Variants in NID2 observed in about 807,000 individuals in gnomAD.
NID2 encodes nidogen-2.
Under a neutral mutation model 145.4 loss-of-function variants are expected in NID2, and 83 were observed. The observed-to-expected ratio is 0.57, with a 90% CI of 0.48 to 0.69. The LOEUF (loss-of-function observed/expected upper bound fraction) is 0.69. Ranked by LOEUF, NID2 falls within the 30% of genes least tolerant of loss-of-function variation. NID2 has a pLI of 0.00. For synonymous variants in NID2, 739 were observed against 701.3 expected (o/e 1.05, Z -0.85); for missense variants, 1,807 against 1,765.7 (o/e 1.02, Z -0.42).
At chr14:52,005,925 A>G in intron 20 of NID2, 76 bp from the exon 21 acceptor site, 1 of 1,134,576 alleles carries the variant, frequency 8.8e-7, no homozygotes, top group Admixed American at 1.8e-5. Context: ...ACAGAAAATC[A>G]GTTGCAATAG....
chr14:52,008,143 G>C (rs193166898), intron 18 of NID2, 176 bp from the exon 19 acceptor site: 128 of 523,152 alleles, frequency 2.4e-4, no homozygotes, highest in African/African-American at 2.3e-3. Context: ...TATAGCAGAA[G>C]TGATAGGCTA....
At chr14:52,041,851 T>A (rs747791651) in intron 7 of NID2, among the ~76,000 whole-genome samples, 1 of 152,244 alleles carries the variant, frequency 6.6e-6, no homozygotes, top group Admixed American at 6.5e-5. Context: ...AGGACACAAA[T>A]GTTCTGAATG....
chr14:52,017,058 A>G (rs929082250), intron 14 of NID2, among the ~76,000 whole-genome samples: 1 of 152,222 alleles, frequency 6.6e-6, no homozygotes, highest in Non-Finnish European at 1.5e-5. Flanking sequence ...CAAGGAACAC[A>G]GAGAGGGAAA....
At chr14:52,028,581 G>A in intron 11 of NID2, 141 bp downstream of exon 11, 1 of 961,586 alleles carries the variant, frequency 1.0e-6, no homozygotes, top group Non-Finnish European at 1.5e-6. Context: ...GCCAGCTTTG[G>A]GTTATTTTGA....
intron 9 of NID2, among the ~76,000 whole-genome samples, chr14:52,038,440 CCCT>C (rs943629124): frequency 2.6e-5 from 4 of 152,200 alleles, no homozygotes; most frequent in African/African-American, 9.7e-5. Flanking sequence ...GCATCACTCT[CCCT>C]CCTAATTCCA....
At chr14:52,037,224 A>G (rs2645746) in intron 9 of NID2, among the ~76,000 whole-genome samples, 82,153 of 151,968 alleles carry the variant, frequency 0.54, 22,591 homozygotes, top group Middle Eastern at 0.59. Flanking sequence ...AATAGTTTAA[A>G]AGACTATTCT....
At position 52,005,247 on chromosome 14, in the gene NID2, T is replaced by TTAAAATTCTGTTACCTTTTTAAACTTGCA; in HGVS notation, c.*210_*238dup. On this transcript the variant is annotated 3_prime_UTR_variant, in exon 22 of 22. Transcript: ENST00000216286. ...AAGAAGTTGCTTTAATAAGCAACAG[T>TTAAAATTCTGTTACCTTTTTAAACTTGCA]TAAAATTCTGTTACCTTTTTAAACT... is the stretch of plus-strand genomic sequence containing the variant. 1 of 380,762 alleles carries TTAAAATTCTGTTACCTTTTTAAACTTGCA rather than the reference T, an allele frequency of 2.6e-6. No homozygotes were observed. The highest frequency in any genetic ancestry group is 3.8e-5 in the East Asian group (1 of 26,144). 23.6% of individuals were successfully genotyped at this position (380,762 alleles called of 1,614,324 possible). A position where few individuals can be genotyped will look rare whatever the true frequency, so the allele number is the denominator to read the frequency against.
At chr14:52,030,573 G>T (rs1340549404) in intron 9 of NID2, among the ~76,000 whole-genome samples, 1 of 26,010 alleles carries the variant, frequency 3.8e-5, no homozygotes, top group African/African-American at 1.3e-4. Flanking sequence ...AGAAAGGAAG[G>T]AAGGGAAAGA....
chr14:52,037,098 T>G (rs1892100072), intron 9 of NID2, among the ~76,000 whole-genome samples: 1 of 152,212 alleles, frequency 6.6e-6, no homozygotes, highest in Admixed American at 6.5e-5. Context: ...TCTAAAAGTT[T>G]TAACTCTTAC....
At chr14:52,007,397 T>C (rs966444505) in intron 19 of NID2, 2 of 201,560 alleles carry the variant, frequency 9.9e-6, no homozygotes, top group African/African-American at 4.8e-5. Flanking sequence ...CTAATACCCA[T>C]GTTATTACTG....
intron 7 of NID2, among the ~76,000 whole-genome samples, chr14:52,041,333 A>C (rs995482794): frequency 2.6e-5 from 4 of 152,176 alleles, no homozygotes; most frequent in African/African-American, 9.7e-5. Flanking sequence ...TTTTTTATCT[A>C]CTTTTGACCC....
In NID2 at chr14:52,005,343, T is replaced by TTTGCACTACAAAATGTTCATC; in HGVS notation, c.*122_*142dup. The stretch of plus-strand genomic sequence containing the variant: ...GGTATCAGCTTTTCACAAAAGTCTT[T>TTTGCACTACAAAATGTTCATC]TTGCACTACAAAATGTTCATCTTGG... On this transcript the variant is annotated 3_prime_UTR_variant, in exon 22 of 22. Coordinates refer to ENST00000216286, the MANE Select transcript of NID2 (RefSeq NM_007361.4). The TTTGCACTACAAAATGTTCATC allele has an allele frequency of 1.5e-6, 1 of 666,010 alleles. No individual in the cohort carries two copies. The highest frequency in any genetic ancestry group is 1.8e-5 in the African/African-American group (1 of 54,698). The allele number at this position is 666,010 out of a possible 1,614,324, so 41.3% of individuals were successfully genotyped here. A position where few individuals can be genotyped will look rare whatever the true frequency, so the allele number is the denominator to read the frequency against.
intron 5 of NID2, among the ~76,000 whole-genome samples, chr14:52,048,996 C>A (rs1892598107): frequency 6.6e-6 from 1 of 152,132 alleles, no homozygotes; most frequent in African/African-American, 2.4e-5. Flanking sequence ...GGGACCCACA[C>A]TATGCCAGGA....
At chr14:52,039,100 G>A (rs564808537) in intron 8 of NID2, 123 bp from the exon 9 acceptor site, 5 of 692,156 alleles carry the variant, frequency 7.2e-6, no homozygotes, top group East Asian at 5.7e-5. Context: ...AACCTCCTGA[G>A]TTTATATGAA....
chr14:52,015,596 CCTT>C (rs1225410491), intron 14 of NID2, among the ~76,000 whole-genome samples: 2 of 152,194 alleles, frequency 1.3e-5, no homozygotes, highest in South Asian at 2.1e-4. Context: ...GGCATGATCT[CCTT>C]CTGGCCAGGA....
At chr14:52,068,225 C>T in intron 1 of NID2, 62 bp from the exon 2 acceptor site, 1 of 1,496,282 alleles carries the variant, frequency 6.7e-7, no homozygotes. Context: ...TACCCTTTCG[C>T]GCAGGGAGGG....
At chr14:52,035,854 G>GTATATATATA (rs1222696644) in intron 9 of NID2, among the ~76,000 whole-genome samples, 1 of 36,074 alleles carries the variant, frequency 2.8e-5, no homozygotes, top group African/African-American at 1.1e-4. Flanking sequence ...AAATTTTTTT[G>GTATATATATA]TGTATATATA....
At chr14:52,017,612 C>T (rs1283897916) in intron 14 of NID2, among the ~76,000 whole-genome samples, 1 of 151,980 alleles carries the variant, frequency 6.6e-6, no homozygotes, top group Non-Finnish European at 1.5e-5. Context: ...AACCATTCCC[C>T]AAAGGCACCT....
intron 2 of NID2, among the ~76,000 whole-genome samples, chr14:52,062,171 G>C (rs567530311): frequency 6.6e-6 from 1 of 152,282 alleles, no homozygotes; most frequent in South Asian, 2.1e-4. Context: ...TTTGCTAATA[G>C]GATAAAGAAA....
Sources: gnomAD v4.1 joint callset for allele counts (sites outside exome capture counted in the v4.1 genomes callset) on GRCh38, gnomAD v4.1.1 for gene constraint, MANE v1.5 for transcripts, NCBI Gene and HGNC (gene_info 2026-07-23, HGNC 2026-07-21) for gene names.